Variants in ABTB3 observed in about 807,000 individuals in gnomAD.
The protein encoded by ABTB3 is ankyrin repeat and BTB domain containing 3, also known as ankyrin repeat- and BTB/POZ domain-containing protein 3.
the ABTB3 span, chr12:107,520,559 C>G: frequency 1.2e-6 from 2 of 1,614,224 alleles, no homozygotes; most frequent in Non-Finnish European, 1.7e-6. Flanking sequence ...GGGGAACTGC[C>G]CATGTTCAGC....
chr12:107,417,290 A>T, the ABTB3 span, among the ~76,000 whole-genome samples: 9 of 152,146 alleles, frequency 5.9e-5, no homozygotes, highest in African/African-American at 1.9e-4. Flanking sequence ...AATACCACAA[A>T]CTGGGTGGCT....
the ABTB3 span, among the ~76,000 whole-genome samples, chr12:107,552,031 C>T: frequency 1.1e-4 from 17 of 152,166 alleles, no homozygotes; most frequent in African/African-American, 4.1e-4. Flanking sequence ...GGATTACAGG[C>T]GTGAGCCACC....
chr12:107,369,459 G>A, the ABTB3 span, among the ~76,000 whole-genome samples: 4 of 148,968 alleles, frequency 2.7e-5, no homozygotes, highest in African/African-American at 1.0e-4. Flanking sequence ...AGTGAATGGT[G>A]TGATCTTGGC....
the ABTB3 span, among the ~76,000 whole-genome samples, chr12:107,323,767 T>C: frequency 6.6e-6 from 1 of 152,198 alleles, no homozygotes; most frequent in Non-Finnish European, 1.5e-5. Context: ...GCTTCCTTGA[T>C]GCAACCCCTT....
At chr12:107,613,910 C>A in the ABTB3 span, among the ~76,000 whole-genome samples, 2 of 151,998 alleles carry the variant, frequency 1.3e-5, no homozygotes, top group Non-Finnish European at 2.9e-5. Context: ...GGAAAGCAGA[C>A]AATAGACACA....
the ABTB3 span, among the ~76,000 whole-genome samples, chr12:107,616,899 G>C: frequency 6.6e-6 from 1 of 152,202 alleles, no homozygotes; most frequent in South Asian, 2.1e-4. Context: ...CACATTCCGA[G>C]TAGCCTAGCA....
the ABTB3 span, among the ~76,000 whole-genome samples, chr12:107,473,230 C>T: frequency 2.0e-5 from 3 of 152,176 alleles, no homozygotes; most frequent in Admixed American, 1.3e-4. Flanking sequence ...ACCACCTGAA[C>T]ACACACACCT....
the ABTB3 span, among the ~76,000 whole-genome samples, chr12:107,616,175 G>A: frequency 6.6e-6 from 1 of 152,142 alleles, no homozygotes; most frequent in Non-Finnish European, 1.5e-5. Context: ...GTGGTCTGGT[G>A]GACACAGATG....
chr12:107,377,025 C>A, the ABTB3 span, among the ~76,000 whole-genome samples: 1 of 152,128 alleles, frequency 6.6e-6, no homozygotes, highest in South Asian at 2.1e-4. Flanking sequence ...CATGGAGATG[C>A]ACTGCTCAGA....
At chr12:107,610,539 T>C in the ABTB3 span, 2 of 612,618 alleles carry the variant, frequency 3.3e-6, no homozygotes. Flanking sequence ...AAAAATACTG[T>C]GGTTCATCTT....
chr12:107,445,432 G>A, the ABTB3 span, among the ~76,000 whole-genome samples: 1 of 152,150 alleles, frequency 6.6e-6, no homozygotes, highest in Non-Finnish European at 1.5e-5. Flanking sequence ...TCATAAATTA[G>A]CATTTATTCA....
chr12:107,584,954 G>T, the ABTB3 span, among the ~76,000 whole-genome samples: 1 of 151,908 alleles, frequency 6.6e-6, no homozygotes, highest in African/African-American at 2.4e-5. Context: ...CAAACCTGGT[G>T]AATTCTCCCT....
chr12:107,511,207 A>G, the ABTB3 span, among the ~76,000 whole-genome samples: 1 of 152,328 alleles, frequency 6.6e-6, no homozygotes, highest in East Asian at 1.9e-4. Flanking sequence ...TGGAACAACT[A>G]AATTCTACAC....
chr12:107,525,100 C>T, the ABTB3 span, among the ~76,000 whole-genome samples: 7 of 151,818 alleles, frequency 4.6e-5, no homozygotes, highest in East Asian at 7.7e-4. Flanking sequence ...CTGATGTGAG[C>T]GGATTGCTTG....
the ABTB3 span, among the ~76,000 whole-genome samples, chr12:107,532,210 G>T: frequency 1.3e-4 from 20 of 152,250 alleles, no homozygotes; most frequent in Non-Finnish European, 1.5e-5. Flanking sequence ...GCACCCATGT[G>T]TGCCATGCAG....
chr12:107,369,708 T>G, the ABTB3 span, among the ~76,000 whole-genome samples: 2,436 of 7,772 alleles, frequency 0.31, 143 homozygotes, highest in South Asian at 0.4. Context: ...CCAAACATGG[T>G]TTTTTTTTTT....
chr12:107,389,763 T>C, the ABTB3 span, among the ~76,000 whole-genome samples: 1 of 151,406 alleles, frequency 6.6e-6, no homozygotes, highest in Non-Finnish European at 1.5e-5. Flanking sequence ...ATATCTAGGA[T>C]GACTCCCTAA....
the ABTB3 span, among the ~76,000 whole-genome samples, chr12:107,643,519 T>C: frequency 2.7e-5 from 4 of 147,534 alleles, no homozygotes; most frequent in African/African-American, 5.1e-5. Flanking sequence ...GCCTGGGGAG[T>C]TGGCATACTC....
chr12:107,424,830 G>A, the ABTB3 span, among the ~76,000 whole-genome samples: 2 of 152,070 alleles, frequency 1.3e-5, no homozygotes, highest in Non-Finnish European at 2.9e-5. Flanking sequence ...CTCCTCACCT[G>A]AACTCCTGCA....
Sources: allele counts gnomAD v4.1 joint callset (sites outside exome capture counted in the v4.1 genomes callset), GRCh38; gene constraint gnomAD v4.1.1; transcripts MANE v1.5; gene names NCBI Gene and HGNC (gene_info 2026-07-23, HGNC 2026-07-21).